MED13L: variants seen among roughly 807,000 people sequenced by gnomAD.
MED13L encodes the protein mediator complex subunit 13L, also known as mediator of RNA polymerase II transcription subunit 13-like.
In MED13L, 7 loss-of-function variants were observed where a neutral mutation model predicts 220.9. That is an observed-to-expected ratio of 0.03 (90% confidence interval 0.02 to 0.06). The LOEUF is 0.06. MED13L is among the 10% of genes least tolerant of loss of function. The pLI, the probability that MED13L is intolerant of heterozygous loss-of-function variation, is 1.00. For missense variants in MED13L, 1,965 were observed against 2,760.5 expected, an observed-to-expected ratio of 0.71 and a Z score of 6.46; for synonymous variants, 1,011 against 1,015.2, an observed-to-expected ratio of 1.00 and a Z score of 0.08.
At chr12:116,102,477 G>A (rs1406757770) in intron 3 of MED13L, among the ~76,000 whole-genome samples, 4 of 152,212 alleles carry the variant, frequency 2.6e-5, no homozygotes, top group African/African-American at 9.6e-5. Flanking sequence ...TCGAGTTACA[G>A]AGCATCTCAC....
intron 4 of MED13L, among the ~76,000 whole-genome samples, chr12:116,033,630 T>A (rs555107872): frequency 6.6e-6 from 1 of 152,284 alleles, no homozygotes; most frequent in Non-Finnish European, 1.5e-5. Flanking sequence ...TGGGTAAATA[T>A]GGTCATGTCA....
At chr12:115,982,266 G>T in intron 22 of MED13L, 118 bp downstream of exon 22, 1 of 1,056,908 alleles carries the variant, frequency 9.5e-7, no homozygotes, top group Non-Finnish European at 1.4e-6. Flanking sequence ...TAGTATTTTG[G>T]TTAGGGGATA....
intron 2 of MED13L, among the ~76,000 whole-genome samples, chr12:116,182,248 T>C (rs1880579615): frequency 6.6e-6 from 1 of 152,168 alleles, no homozygotes; most frequent in Non-Finnish European, 1.5e-5. Flanking sequence ...TGGTCTTACT[T>C]TAATAACCAA....
chr12:116,144,934 G>A (rs1010983881), intron 2 of MED13L, among the ~76,000 whole-genome samples: 1 of 152,138 alleles, frequency 6.6e-6, no homozygotes, highest in Non-Finnish European at 1.5e-5. Context: ...TCCCATGGTT[G>A]CTCCACTTAA....
intron 2 of MED13L, among the ~76,000 whole-genome samples, chr12:116,227,695 T>C (rs1162600019): frequency 6.6e-6 from 1 of 152,062 alleles, no homozygotes; most frequent in Non-Finnish European, 1.5e-5. Context: ...CCTCCCCATC[T>C]CTCTTATTCT....
In MED13L at chr12:116,120,905, T is replaced by A. The variant is rs1005274026; in HGVS notation, c.311-9393A>T. ...TGTTGGTCTCAAAAGAACCAAGAGA[T>A]CTAAAATGCATGTAAAATAAATGAG... On this transcript the variant is annotated intron_variant, in intron 2 of 30. Transcript: ENST00000281928. 4.6e-5 allele frequency among the ~76,000 whole-genome samples: 7 copies of A among 152,090 alleles called. No homozygotes were observed. The East Asian group carries it at 1.3e-3, about 29-fold the overall frequency.
chr12:116,199,942 T>C (rs1264456648), intron 2 of MED13L, among the ~76,000 whole-genome samples: 2 of 152,140 alleles, frequency 1.3e-5, no homozygotes, highest in African/African-American at 2.4e-5. Context: ...CATACTGTTT[T>C]CCACGAAATA....
Position 116,276,671 on chromosome 12 carries a change from C to T in MED13L, c.72+389G>A, listed in dbSNP as rs1210160206. ...AACAACGGGGGAAGAGGTTGCCGAT[C>T]GGAGGCGCGGCAGCACAAGGCAAAG... On this transcript the variant is annotated intron_variant, in intron 1 of 30. Coordinates refer to ENST00000281928, the MANE Select transcript of MED13L (RefSeq NM_015335.5). 4 of 1,177,530 alleles carry T rather than the reference C, an allele frequency of 3.4e-6. No homozygotes were observed. In the African/African-American group the frequency reaches 5.0e-5, roughly 15 times the overall value. The allele number at this position is 1,177,530 out of a possible 1,614,324, so 72.9% of individuals were successfully genotyped here. A position where few individuals can be genotyped will look rare whatever the true frequency, so the allele number is the denominator to read the frequency against.
intron 13 of MED13L, 86 bp downstream of exon 13, chr12:116,005,783 A>C: frequency 1.9e-6 from 3 of 1,550,510 alleles, no homozygotes; most frequent in Middle Eastern, 1.7e-4. Flanking sequence ...AATTCAGGAC[A>C]CCAAACTATA....
At chr12:116,010,485 G>A (rs1330049000) in intron 9 of MED13L, among the ~76,000 whole-genome samples, 1 of 152,124 alleles carries the variant, frequency 6.6e-6, no homozygotes, top group Non-Finnish European at 1.5e-5. Context: ...TAATCATAAA[G>A]TAAGTTTTTT....
chr12:116,049,357 C>T (rs1882019159), intron 4 of MED13L, among the ~76,000 whole-genome samples: 1 of 152,160 alleles, frequency 6.6e-6, no homozygotes, highest in African/African-American at 2.4e-5. Context: ...AACAATGTTA[C>T]AGATTTTTAT....
At chr12:116,124,940 T>C (rs1004815176) in intron 2 of MED13L, among the ~76,000 whole-genome samples, 3 of 152,184 alleles carry the variant, frequency 2.0e-5, no homozygotes, top group Non-Finnish European at 4.4e-5. Flanking sequence ...AGATCATAGT[T>C]AAACCAAAAT....
intron 2 of MED13L, among the ~76,000 whole-genome samples, chr12:116,226,077 TA>T (rs1159121383): frequency 9.0e-6 from 1 of 111,402 alleles, no homozygotes; most frequent in Non-Finnish European, 1.8e-5. Context: ...TTTTTTTTTT[TA>T]AATCAAGCCA....
intron 2 of MED13L, among the ~76,000 whole-genome samples, chr12:116,177,787 TAAGGAA>T (rs1215550585): frequency 6.6e-6 from 1 of 152,180 alleles, no homozygotes; most frequent in African/African-American, 2.4e-5. Flanking sequence ...AAAGTCAGTG[TAAGGAA>T]AAGTATTTAG....
chr12:116,007,791 T>A (rs116902357), intron 10 of MED13L, 155 bp from the exon 11 acceptor site: 26 of 678,620 alleles, frequency 3.8e-5, no homozygotes, highest in African/African-American at 2.5e-4. Context: ...GCATACTTTG[T>A]CAAGAATATA....
At chr12:115,995,196 G>C (rs1878320776) in intron 16 of MED13L, among the ~76,000 whole-genome samples, 1 of 152,114 alleles carries the variant, frequency 6.6e-6, no homozygotes, top group African/African-American at 2.4e-5. Flanking sequence ...TTGCAGCCCA[G>C]AGGCTGAGGC....
chr12:116,014,382 T>C (rs952219125), intron 8 of MED13L, among the ~76,000 whole-genome samples: 3 of 152,218 alleles, frequency 2.0e-5, no homozygotes, highest in Non-Finnish European at 4.4e-5. Flanking sequence ...AGACATCTAC[T>C]CATATTAAAA....
At chr12:116,126,241 T>C (rs1473173948) in intron 2 of MED13L, among the ~76,000 whole-genome samples, 1 of 152,222 alleles carries the variant, frequency 6.6e-6, no homozygotes, top group African/African-American at 2.4e-5. Context: ...GCAAGTCCTT[T>C]AGGAAATAAA....
rs746185698 is a variant in MED13L at position 115,996,728 on chromosome 12, G to A, written c.2791-47C>T. 5 of 1,503,284 alleles carry A rather than the reference G, an allele frequency of 3.3e-6. No individual in the cohort carries two copies. The East Asian group carries it at 1.1e-4, about 34-fold the overall frequency. 93.1% of individuals were successfully genotyped at this position (1,503,284 alleles called of 1,614,324 possible). On this transcript the variant is annotated intron_variant, in intron 15 of 30. Transcript: ENST00000281928. Reference sequence around the variant, plus strand: ...AGTGTTAATATTGGTAAACTCTGTAGAACACACCACAGTGGCATAGTGCTA... The same window carrying A: ...AGTGTTAATATTGGTAAACTCTGTAAAACACACCACAGTGGCATAGTGCTA...
Sources: gnomAD v4.1 joint callset for allele counts (sites outside exome capture counted in the v4.1 genomes callset) on GRCh38, gnomAD v4.1.1 for gene constraint, MANE v1.5 for transcripts, NCBI Gene and HGNC (gene_info 2026-07-23, HGNC 2026-07-21) for gene names.